Variants in ROR2 observed in about 807,000 individuals in gnomAD.
ROR2 encodes tyrosine-protein kinase transmembrane receptor ROR2.
A neutral mutation model predicts 74.9 loss-of-function variants in ROR2; 33 were observed. The ratio of observed to expected loss-of-function variants is 0.44; its 90% CI spans 0.33 to 0.59. The LOEUF (loss-of-function observed/expected upper bound fraction) is 0.59. ROR2 is among the 20% of genes least tolerant of loss of function. The pLI is 0.02. For synonymous variants in ROR2, 586 were observed against 558.7 expected (o/e 1.05, Z -0.69); for missense variants, 1,216 against 1,313.8 (o/e 0.93, Z 1.15).
intron 1 of ROR2, among the ~76,000 whole-genome samples, chr9:91,776,806 C>CG (rs1239676557): frequency 6.6e-6 from 1 of 151,238 alleles, no homozygotes; most frequent in Non-Finnish European, 1.5e-5. Context: ...ATCAAACATA[C>CG]TTGCACTATA....
In ROR2 at chr9:91,826,859, A is replaced by AT. The variant is rs574179303; in HGVS notation, c.98-51042dup. ...ATGTGTATGTACTGCATCCAGTAAC[A>AT]TTTTGAGAAGGGGAGACTCTGAAGG... On this transcript the variant is annotated intron_variant, in intron 1 of 8. Transcript: ENST00000375708. Among the ~76,000 whole-genome samples the AT allele has an allele frequency of 3.1e-3, 472 of 152,258 alleles. 2 individuals are homozygous for AT. Among genetic ancestry groups the AT allele is most frequent in the African/African-American group, 0.011 (458 of 41,564 alleles).
intron 1 of ROR2, among the ~76,000 whole-genome samples, chr9:91,904,813 A>G (rs371049897): frequency 5.9e-5 from 9 of 152,302 alleles, no homozygotes; most frequent in African/African-American, 2.2e-4. Context: ...AAAGCCTCCA[A>G]AAAGGGAAAA....
chr9:91,821,234 T>C (rs1443002259), intron 1 of ROR2, among the ~76,000 whole-genome samples: 6 of 152,138 alleles, frequency 3.9e-5, no homozygotes, highest in African/African-American at 1.2e-4. Context: ...CACACCTTGA[T>C]CTTGGACTTC....
intron 1 of ROR2, among the ~76,000 whole-genome samples, chr9:91,849,931 G>A (rs960527638): frequency 3.9e-5 from 6 of 152,174 alleles, no homozygotes; most frequent in African/African-American, 9.7e-5. Context: ...ATATTCCCTA[G>A]CACTAATATT....
At chr9:91,885,240 C>T (rs1328416464) in intron 1 of ROR2, among the ~76,000 whole-genome samples, 1 of 151,612 alleles carries the variant, frequency 6.6e-6, no homozygotes. Flanking sequence ...GAGAACAAAG[C>T]GGGAAGGCAA....
Position 91,773,183 on chromosome 9 carries a change from G to A in ROR2, c.175+2558C>T, listed in dbSNP as rs76501290. Among the ~76,000 whole-genome samples, 244 of 152,272 alleles carry A rather than the reference G, an allele frequency of 1.6e-3. 1 individual carries two copies. Among genetic ancestry groups the A allele is most frequent in the African/African-American group, 5.7e-3 (237 of 41,558 alleles). On this transcript the variant is annotated intron_variant, in intron 2 of 8. Coordinates refer to ENST00000375708, the MANE Select transcript of ROR2 (RefSeq NM_004560.4). ...GCCCCAGGCCCACAAGGAAGCCCCC[G>A]GGTGAGAGGTTTGCAGCGCATCTGA...
At position 91,792,971 on chromosome 9, in the gene ROR2, C is replaced by T. The variant is rs189741756; in HGVS notation, c.98-17153G>A. Among the ~76,000 whole-genome samples the T allele has an allele frequency of 3.9e-5, 6 of 152,308 alleles. No homozygotes were observed. In the East Asian group the frequency reaches 1.2e-3, roughly 29 times the overall value. On this transcript the variant is annotated intron_variant, in intron 1 of 8. Transcript: ENST00000375708. ...ACACAAAGGACTAAAAGGCTTTCCT[C>T]GTGAATTCTATCAAATGTTTAGAGA...
chr9:91,841,092 C>T (rs747458298), intron 1 of ROR2, among the ~76,000 whole-genome samples: 3 of 152,224 alleles, frequency 2.0e-5, no homozygotes, highest in Non-Finnish European at 4.4e-5. Context: ...TCTCATTCCC[C>T]GGCCATTGGC....
intron 1 of ROR2, among the ~76,000 whole-genome samples, chr9:91,859,296 G>A (rs1003501440): frequency 2.9e-4 from 42 of 146,934 alleles, no homozygotes; most frequent in African/African-American, 7.3e-4. Flanking sequence ...CAGCCTCCCG[G>A]GTTCAAGCAA....
intron 1 of ROR2, among the ~76,000 whole-genome samples, chr9:91,929,090 T>C (rs1831484522): frequency 6.6e-6 from 1 of 152,228 alleles, no homozygotes; most frequent in African/African-American, 2.4e-5. Context: ...CGATTTGACT[T>C]TTTGTGGCTC....
chr9:91,939,702 G>A (rs1168992275), intron 1 of ROR2, among the ~76,000 whole-genome samples: 1 of 151,730 alleles, frequency 6.6e-6, no homozygotes, highest in African/African-American at 2.4e-5. Flanking sequence ...TTTGTTACTG[G>A]AAAAAAGAAG....
chr9:91,768,609 C>G (rs1480092792), intron 2 of ROR2, among the ~76,000 whole-genome samples: 1 of 152,170 alleles, frequency 6.6e-6, no homozygotes, highest in African/African-American at 2.4e-5. Context: ...GGGACGCCAC[C>G]CCGCTGGGCG....
intron 7 of ROR2, among the ~76,000 whole-genome samples, chr9:91,727,212 T>C (rs1837071846): frequency 6.6e-6 from 1 of 152,174 alleles, no homozygotes; most frequent in South Asian, 2.1e-4. Flanking sequence ...TCATTCAACA[T>C]TTTAATGTTT....
intron 1 of ROR2, among the ~76,000 whole-genome samples, chr9:91,819,684 G>GTGTA (rs1276666127): frequency 2.3e-4 from 2 of 8,548 alleles, no homozygotes; most frequent in Non-Finnish European, 5.3e-4. Context: ...CTGTGTATCT[G>GTGTA]TCTTTGTGTG....
At chr9:91,799,447 G>A (rs1407930348) in intron 1 of ROR2, among the ~76,000 whole-genome samples, 1 of 152,172 alleles carries the variant, frequency 6.6e-6, no homozygotes, top group Non-Finnish European at 1.5e-5. Flanking sequence ...CAGCACGGAG[G>A]TGGCCAGCCT....
intron 1 of ROR2, among the ~76,000 whole-genome samples, chr9:91,882,638 TA>T (rs1289417926): frequency 6.6e-6 from 1 of 152,210 alleles, no homozygotes; most frequent in Non-Finnish European, 1.5e-5. Context: ...CTTAAAATCC[TA>T]ACCCCAGGAC....
At chr9:91,795,833 AAC>A (rs1466819833) in intron 1 of ROR2, among the ~76,000 whole-genome samples, 2 of 152,192 alleles carry the variant, frequency 1.3e-5, no homozygotes, top group Non-Finnish European at 2.9e-5. Context: ...AGCACACAGG[AAC>A]CTCTGTTATG....
chr9:91,829,792 T>A (rs1178467879), intron 1 of ROR2, among the ~76,000 whole-genome samples: 2 of 152,128 alleles, frequency 1.3e-5, no homozygotes, highest in Non-Finnish European at 2.9e-5. Context: ...ATGGAAACAT[T>A]AAAAATGATA....
intron 1 of ROR2, among the ~76,000 whole-genome samples, chr9:91,916,597 C>T (rs1050334483): frequency 1.3e-5 from 2 of 152,198 alleles, no homozygotes; most frequent in Non-Finnish European, 2.9e-5. Context: ...GCCAGCCACT[C>T]CCATCTGGTT....
Sources: allele counts gnomAD v4.1 joint callset (sites outside exome capture counted in the v4.1 genomes callset), GRCh38; gene constraint gnomAD v4.1.1; transcripts MANE v1.5; gene names NCBI Gene and HGNC (gene_info 2026-07-23, HGNC 2026-07-21).